Variants in MCC observed in about 807,000 individuals in gnomAD.
The protein encoded by MCC is colorectal mutant cancer protein.
In MCC, 90 loss-of-function variants were observed where a neutral mutation model predicts 116.2. The ratio of observed to expected loss-of-function variants is 0.77; its 90% CI spans 0.65 to 0.92. The LOEUF is 0.92. Among genes scored for constraint, MCC ranks in the 40% least tolerant of loss-of-function variants. The pLI is 0.00. For synonymous variants in MCC, 578 were observed against 510.5 expected (o/e 1.13, Z -1.78); for missense variants, 1,516 against 1,312.2 (o/e 1.16, Z -2.40).
At chr5:113,401,009 A>C (rs758471287) in intron 1 of MCC, among the ~76,000 whole-genome samples, 47 of 152,358 alleles carry the variant, frequency 3.1e-4, no homozygotes, top group Non-Finnish European at 4.3e-4. Flanking sequence ...GTCATGTCTG[A>C]AAGATATAGA....
intron 9 of MCC, 39 bp from the exon 10 acceptor site, chr5:113,084,229 C>A (rs1755049511): frequency 6.8e-7 from 1 of 1,473,530 alleles, no homozygotes; most frequent in Admixed American, 1.7e-5. Flanking sequence ...AAACTACACA[C>A]CACTCCTCAG....
chr5:113,467,335 T>G (rs2078071850), intron 1 of MCC, among the ~76,000 whole-genome samples: 1 of 150,036 alleles, frequency 6.7e-6, no homozygotes, highest in African/African-American at 2.5e-5. Context: ...ATGTAAGTCT[T>G]TAATCCATCC....
chr5:113,057,786 G>A (rs6893389), intron 14 of MCC, among the ~76,000 whole-genome samples: 44,502 of 152,198 alleles, frequency 0.29, 6,592 homozygotes, highest in Non-Finnish European at 0.33. Context: ...CTGATGTGGA[G>A]GGACAGACAT....
intron 3 of MCC, among the ~76,000 whole-genome samples, chr5:113,202,762 T>C (rs966879624): frequency 2.9e-4 from 42 of 144,168 alleles, no homozygotes; most frequent in Non-Finnish European, 5.0e-4. Flanking sequence ...TCAGCCCCAA[T>C]GCAGATGAAA....
chr5:113,348,209 A>G (rs1321944957), intron 2 of MCC, among the ~76,000 whole-genome samples: 1 of 152,118 alleles, frequency 6.6e-6, no homozygotes, highest in Non-Finnish European at 1.5e-5. Flanking sequence ...TAATAGAACA[A>G]ATGGACCTAA....
chr5:113,071,969 T>G (rs1339832452), intron 11 of MCC, among the ~76,000 whole-genome samples: 1 of 152,174 alleles, frequency 6.6e-6, no homozygotes, highest in East Asian at 1.9e-4. Context: ...ATTGGGAACT[T>G]GAAGTTTTAC....
intron 1 of MCC, among the ~76,000 whole-genome samples, chr5:113,397,895 AACAG>A (rs1197719169): frequency 6.6e-6 from 1 of 152,254 alleles, no homozygotes; most frequent in Non-Finnish European, 1.5e-5. Flanking sequence ...CAACTGAGTA[AACAG>A]ACAGCCTACA....
intron 3 of MCC, among the ~76,000 whole-genome samples, chr5:113,319,909 G>A (rs1389187679): frequency 1.3e-5 from 2 of 152,128 alleles, no homozygotes; most frequent in African/African-American, 2.4e-5. Context: ...AAACCCCAAT[G>A]GCCATATGAG....
intron 1 of MCC, among the ~76,000 whole-genome samples, chr5:113,451,765 G>A (rs1213448570): frequency 1.3e-5 from 2 of 152,150 alleles, no homozygotes; most frequent in Non-Finnish European, 2.9e-5. Context: ...ACTGAGGCTT[G>A]GAATAATCAC....
At chr5:113,285,766 G>A (rs1045819142) in intron 3 of MCC, among the ~76,000 whole-genome samples, 1 of 152,094 alleles carries the variant, frequency 6.6e-6, no homozygotes, top group East Asian at 1.9e-4. Flanking sequence ...TTTGTGTACT[G>A]TCTATGTATC....
intron 3 of MCC, among the ~76,000 whole-genome samples, chr5:113,231,562 T>A (rs1453764125): frequency 6.6e-6 from 1 of 152,188 alleles, no homozygotes; most frequent in Non-Finnish European, 1.5e-5. Context: ...GTTCACTTTG[T>A]TCCTACAGGC....
At chr5:113,065,818 T>G (rs1580970663) in intron 13 of MCC, among the ~76,000 whole-genome samples, 1 of 152,200 alleles carries the variant, frequency 6.6e-6, no homozygotes, top group Non-Finnish European at 1.5e-5. Flanking sequence ...CACAGTATGA[T>G]GGGCCAGCCA....
At chr5:113,309,666 T>G (rs1767089655) in intron 3 of MCC, among the ~76,000 whole-genome samples, 1 of 152,256 alleles carries the variant, frequency 6.6e-6, no homozygotes, top group Admixed American at 6.5e-5. Flanking sequence ...TCTTCATGAT[T>G]GTGAATTGTG....
At chr5:113,217,253 G>A (rs1763358328) in intron 3 of MCC, among the ~76,000 whole-genome samples, 1 of 152,180 alleles carries the variant, frequency 6.6e-6, no homozygotes, top group South Asian at 2.1e-4. Context: ...AAAAGCACTA[G>A]TGGTGATACT....
In MCC at chr5:113,285,442, G is replaced by A. The variant is rs568746822; in HGVS notation, c.627+55077C>T. Reference sequence around the variant, plus strand: ...CAGGGAGATCCAGATACTCTTCCAGGGCTTATGAAGCCCTAGGTGATCTGG... The same window carrying A: ...CAGGGAGATCCAGATACTCTTCCAGAGCTTATGAAGCCCTAGGTGATCTGG... On this transcript the variant is annotated intron_variant, in intron 3 of 18. Coordinates refer to ENST00000408903, the MANE Select transcript of MCC (RefSeq NM_001085377.2). Among the ~76,000 whole-genome samples the A allele has an allele frequency of 7.4e-5, 11 of 149,038 alleles. No individual in the cohort carries two copies. The East Asian group carries it at 1.2e-3, about 16-fold the overall frequency.
At chr5:113,047,220 G>A (rs4074190) in intron 16 of MCC, among the ~76,000 whole-genome samples, 75,669 of 152,020 alleles carry the variant, frequency 0.5, 19,142 homozygotes, top group East Asian at 0.63. Context: ...ACTGCTCTGC[G>A]ATCACCCATT....
intron 1 of MCC, among the ~76,000 whole-genome samples, chr5:113,452,857 C>T (rs1771440699): frequency 6.6e-6 from 1 of 152,178 alleles, no homozygotes; most frequent in African/African-American, 2.4e-5. Context: ...GGCACCACTG[C>T]CAGTTTGCCT....
At chr5:113,433,944 G>A (rs764177231) in intron 1 of MCC, 1 of 1,613,996 alleles carries the variant, frequency 6.2e-7, no homozygotes, top group Non-Finnish European at 8.5e-7. Context: ...AGGTTCGGGG[G>A]TCCACAAGGG....
chr5:113,464,612 T>C (rs1210143051), intron 1 of MCC, among the ~76,000 whole-genome samples: 1 of 70,778 alleles, frequency 1.4e-5, no homozygotes, highest in African/African-American at 5.8e-5. Flanking sequence ...CATGCTTTGT[T>C]TTTGTTTATT....
Sources: allele counts gnomAD v4.1 joint callset (sites outside exome capture counted in the v4.1 genomes callset), GRCh38; gene constraint gnomAD v4.1.1; transcripts MANE v1.5; gene names NCBI Gene and HGNC (gene_info 2026-07-23, HGNC 2026-07-21).